Variants in LEMD1 observed in about 807,000 individuals in gnomAD.
The protein encoded by LEMD1 is LEM domain-containing protein 1.
A neutral mutation model predicts 17.4 loss-of-function variants in LEMD1; 18 were observed. The ratio of observed to expected loss-of-function variants is 1.04; its 90% CI spans 0.72 to 1.54. The LOEUF is 1.54. Among genes scored for constraint, LEMD1 ranks in the 40% most tolerant of loss-of-function variants. The pLI is 0.00. For synonymous variants in LEMD1, 88 were observed against 77.8 expected (o/e 1.13, Z -0.69); for missense variants, 195 against 210.4 (o/e 0.93, Z 0.45).
upstream of LEMD1, among the ~76,000 whole-genome samples, chr1:205,424,974 A>T (rs2102449158): frequency 1.3e-5 from 2 of 152,334 alleles, no homozygotes; most frequent in Middle Eastern, 3.4e-3. Context: ...TTGGGGGAGG[A>T]CTAGAGAGGA....
At chr1:205,435,734 C>T (rs1215495404) in intron 1 of LEMD1, 1 of 152,202 alleles carries the variant, frequency 6.6e-6, no homozygotes, top group African/African-American at 2.4e-5. Flanking sequence ...AAAATCCATC[C>T]TGATTGGCAG....
chr1:205,424,664 G>A (rs1666032512), upstream of LEMD1, among the ~76,000 whole-genome samples: 1 of 152,168 alleles, frequency 6.6e-6, no homozygotes, highest in Non-Finnish European at 1.5e-5. Context: ...GAGACTTCGA[G>A]GATGAGCAAC....
At chr1:205,413,407 G>A (rs1425071437) in intron 4 of LEMD1, among the ~76,000 whole-genome samples, 3 of 151,854 alleles carry the variant, frequency 2.0e-5, no homozygotes. Context: ...TCCTACCTCA[G>A]CCTCCTGAGT....
intron 4 of LEMD1, among the ~76,000 whole-genome samples, chr1:205,389,070 A>G (rs1426483222): frequency 2.4e-5 from 2 of 83,926 alleles, no homozygotes; most frequent in Middle Eastern, 0.014. Flanking sequence ...TTTTTTTGAG[A>G]TAGAGTCTTG....
chr1:205,393,872 A>G (rs1158562881), intron 4 of LEMD1, among the ~76,000 whole-genome samples: 1 of 151,590 alleles, frequency 6.6e-6, no homozygotes, highest in Admixed American at 6.6e-5. Flanking sequence ...AAAAAAAAAA[A>G]TGGAAATCAG....
At chr1:205,387,696 T>C (rs913714926) in intron 4 of LEMD1, among the ~76,000 whole-genome samples, 2 of 152,194 alleles carry the variant, frequency 1.3e-5, no homozygotes, top group Non-Finnish European at 2.9e-5. Flanking sequence ...AGCTGGGGAA[T>C]ATGTGGCCCC....
intron 4 of LEMD1, among the ~76,000 whole-genome samples, chr1:205,404,110 C>T (rs936708008): frequency 4.0e-5 from 6 of 151,656 alleles, no homozygotes; most frequent in African/African-American, 1.5e-4. Context: ...CTGAGGAGAG[C>T]TTTACTTCCA....
upstream of LEMD1, among the ~76,000 whole-genome samples, chr1:205,425,124 G>A (rs1351386147): frequency 1.3e-5 from 2 of 152,144 alleles, no homozygotes; most frequent in Admixed American, 6.5e-5. Flanking sequence ...GCTTACATAA[G>A]GAACCATATG....
chr1:205,420,167 C>A (rs569826455), intron 2 of LEMD1, among the ~76,000 whole-genome samples: 3 of 151,952 alleles, frequency 2.0e-5, no homozygotes, highest in African/African-American at 7.3e-5. Flanking sequence ...AATACAAAAT[C>A]ATTAGTGGGG....
chr1:205,441,316 G>C lies in LEMD1; in HGVS notation c.-39+8552C>G, dbSNP rs1295429542. The stretch of plus-strand genomic sequence containing the variant: ...CATTGGAGACAGGGTGAGTCCAAGG[G>C]AGGAAAGAGAATGCCCAGCTGCTGC... On this transcript the variant is annotated intron_variant, in intron 1 of 3. Transcript: ENST00000367154. The surrounding 1 kb of genome is among the most constrained non-coding windows in gnomAD (Gnocchi z 4.3). Among the ~76,000 whole-genome samples, 2 of 152,148 alleles carry C rather than the reference G, an allele frequency of 1.3e-5. No homozygotes were observed. The highest frequency in any genetic ancestry group is 2.9e-5 in the Non-Finnish European group (2 of 68,018).
At chr1:205,424,541 T>A (rs1242134163), upstream of LEMD1, among the ~76,000 whole-genome samples, 3 of 152,096 alleles carry the variant, frequency 2.0e-5, no homozygotes, top group Non-Finnish European at 4.4e-5. Context: ...GAGCTGACTG[T>A]CTCCTTAAAG....
At chr1:205,391,640 A>G (rs542922814) in intron 4 of LEMD1, among the ~76,000 whole-genome samples, 4 of 152,222 alleles carry the variant, frequency 2.6e-5, no homozygotes, top group African/African-American at 9.6e-5. Context: ...TGGAGCGCAC[A>G]TGGGAGCCCT....
intron 1 of LEMD1, among the ~76,000 whole-genome samples, chr1:205,427,700 A>G (rs1666075733): frequency 6.6e-6 from 1 of 152,216 alleles, no homozygotes; most frequent in Non-Finnish European, 1.5e-5. Context: ...CTGTACCAGC[A>G]GGGATCTGAA....
At chr1:205,413,251 C>T (rs1364524403) in intron 4 of LEMD1, among the ~76,000 whole-genome samples, 1 of 152,112 alleles carries the variant, frequency 6.6e-6, no homozygotes, top group Non-Finnish European at 1.5e-5. Flanking sequence ...GTGATAGCTA[C>T]TAAATGAGGA....
At chr1:205,411,014 A>AGG (rs1665368776) in intron 4 of LEMD1, among the ~76,000 whole-genome samples, 1 of 149,218 alleles carries the variant, frequency 6.7e-6, no homozygotes, top group African/African-American at 2.5e-5. Context: ...GGAGGGAGGG[A>AGG]GAGAGGAAGG....
chr1:205,422,368 CA>C (rs1665987647), upstream of LEMD1, among the ~76,000 whole-genome samples: 1 of 152,212 alleles, frequency 6.6e-6, no homozygotes. Context: ...GACCACCCAT[CA>C]AAAGGCCCAT....
intron 4 of LEMD1, chr1:205,387,044 G>A (rs1027296039): frequency 6.6e-6 from 1 of 152,186 alleles, no homozygotes; most frequent in African/African-American, 2.4e-5. Context: ...ATTTGGGGCA[G>A]AAGTTCATTG....
At chr1:205,427,567 G>A (rs1039888346) in intron 1 of LEMD1, among the ~76,000 whole-genome samples, 5 of 152,054 alleles carry the variant, frequency 3.3e-5, no homozygotes, top group African/African-American at 1.2e-4. Flanking sequence ...CGCAGTACAC[G>A]TGGTAAGGAG....
chr1:205,448,775 C>T lies in LEMD1; in HGVS notation c.-39+1093G>A, dbSNP rs1169599779. On this transcript the variant is annotated intron_variant, in intron 1 of 3. Coordinates refer to the LEMD1 transcript ENST00000367154. This position sits in a 1 kb window ranked among gnomAD's most constrained non-coding sequence, Gnocchi z 4.7. ...CTTTTCAAGGCTGCTGCTGCCAGTA[C>T]CCAGGATGGGGGGCCCCAGGTTAGG... 6.6e-6 allele frequency among the ~76,000 whole-genome samples: 1 copy of T among 152,156 alleles called. No homozygotes were observed. The highest frequency in any genetic ancestry group is 6.5e-5 in the Admixed American group (1 of 15,276).
Sources: allele counts gnomAD v4.1 joint callset (sites outside exome capture counted in the v4.1 genomes callset), GRCh38; gene constraint gnomAD v4.1.1; non-coding constraint Gnocchi (gnomAD v3.1); transcripts MANE v1.5; gene names NCBI Gene and HGNC (gene_info 2026-07-23, HGNC 2026-07-21).